Variants in FAM110B observed in about 807,000 individuals in gnomAD.
The protein encoded by FAM110B is family with sequence similarity 110 member B, also known as protein FAM110B.
FAM110B carries 6 observed loss-of-function variants against 20.4 expected under a neutral mutation model. That is an observed-to-expected ratio of 0.29 (90% CI 0.16 to 0.58). FAM110B has a LOEUF of 0.58. Among genes scored for constraint, FAM110B ranks in the 20% least tolerant of loss-of-function variants. The probability of loss-of-function intolerance (pLI) is 0.90; values close to 1 mark genes in which losing one functional copy is unlikely to be tolerated. For synonymous variants in FAM110B, 226 were observed against 214.1 expected (o/e 1.06, Z -0.49); for missense variants, 434 against 498.2 (o/e 0.87, Z 1.23).
At chr8:58,123,305 TG>T (rs1053405997) in intron 3 of FAM110B, among the ~76,000 whole-genome samples, 7 of 152,192 alleles carry the variant, frequency 4.6e-5, no homozygotes, top group Non-Finnish European at 7.3e-5. Context: ...TCTCAGTTCC[TG>T]CTCTTTGGGG....
At chr8:58,009,658 T>C (rs1014456880) in intron 1 of FAM110B, among the ~76,000 whole-genome samples, 16 of 152,356 alleles carry the variant, frequency 1.1e-4, no homozygotes, top group African/African-American at 3.4e-4. Context: ...ACATATATGG[T>C]TCACATTTGT....
intron 1 of FAM110B, among the ~76,000 whole-genome samples, chr8:58,021,350 TA>T (rs1236547670): frequency 6.6e-6 from 1 of 152,062 alleles, no homozygotes; most frequent in Non-Finnish European, 1.5e-5. Flanking sequence ...TGAAAGGCAG[TA>T]AAAAAATTAA....
rs71557704 is a variant in FAM110B, at chr8:58,105,556, A to ATTTTTTTTTTTTTTT, written c.-325+29949_-325+29963dup. On this transcript the variant is annotated intron_variant, in intron 3 of 3. Transcript: ENST00000519262. ...TGAAAATGAATGAATGAATGAATGA[A>ATTTTTTTTTTTTTTT]TTTTTTTTTTTTTTTTTTTTTTTTT... 9.5e-5 allele frequency among the ~76,000 whole-genome samples: 9 copies of ATTTTTTTTTTTTTTT among 94,600 alleles called. 1 individual carries two copies. Among genetic ancestry groups the ATTTTTTTTTTTTTTT allele is most frequent in the African/African-American group, 3.0e-4 (6 of 19,916 alleles). The allele number at this position is 94,600 out of a possible 152,430, so 62.1% of individuals were successfully genotyped here.
intron 1 of FAM110B, among the ~76,000 whole-genome samples, chr8:58,023,446 A>G (rs764336789): frequency 2.0e-5 from 3 of 152,216 alleles, no homozygotes; most frequent in Non-Finnish European, 4.4e-5. Context: ...GACTTTGGAA[A>G]AACTGGGCTA....
chr8:58,076,052 G>T (rs1806029501), intron 3 of FAM110B, among the ~76,000 whole-genome samples: 1 of 152,070 alleles, frequency 6.6e-6, no homozygotes, highest in Non-Finnish European at 1.5e-5. Flanking sequence ...TGAACTCCTG[G>T]GGTCAAGTGA....
intron 3 of FAM110B, among the ~76,000 whole-genome samples, chr8:58,121,045 G>C (rs1807347057): frequency 6.6e-6 from 1 of 152,190 alleles, no homozygotes; most frequent in African/African-American, 2.4e-5. Context: ...ATGTCCTCTG[G>C]AGCTTGCTCA....
chr8:58,107,294 T>G (rs931889206), intron 3 of FAM110B, among the ~76,000 whole-genome samples: 15 of 152,254 alleles, frequency 9.9e-5, no homozygotes, highest in African/African-American at 3.4e-4. Context: ...GACTCACATT[T>G]CTGTGGTACT....
chr8:58,068,736 G>T (rs1563357632), intron 2 of FAM110B, among the ~76,000 whole-genome samples: 1 of 152,098 alleles, frequency 6.6e-6, no homozygotes, highest in Non-Finnish European at 1.5e-5. Context: ...GATTAGATCA[G>T]CTCAGGACTG....
chr8:58,115,379 A>T (rs1024271255), intron 3 of FAM110B, among the ~76,000 whole-genome samples: 1 of 151,802 alleles, frequency 6.6e-6, no homozygotes, highest in East Asian at 1.9e-4. Context: ...AGCCTGAATC[A>T]TTTTTTTTAT....
intron 3 of FAM110B, among the ~76,000 whole-genome samples, chr8:58,086,658 G>C (rs1234410495): frequency 6.6e-6 from 1 of 152,168 alleles, no homozygotes; most frequent in Non-Finnish European, 1.5e-5. Context: ...TGCTACTTCT[G>C]TTGTAAATTT....
intron 1 of FAM110B, among the ~76,000 whole-genome samples, chr8:58,011,938 G>A (rs574312264): frequency 1.8e-4 from 27 of 152,274 alleles, no homozygotes; most frequent in African/African-American, 4.8e-4. Context: ...TAGCCCTCAC[G>A]TCTGTCACAG....
At chr8:58,021,303 C>G (rs1054405517) in intron 1 of FAM110B, among the ~76,000 whole-genome samples, 2 of 152,184 alleles carry the variant, frequency 1.3e-5, no homozygotes, top group South Asian at 4.2e-4. Flanking sequence ...ATTGGGTCAC[C>G]ACTGGTTACT....
Position 58,003,491 on chromosome 8 carries a change from A to G in FAM110B, c.-512+8685A>G, listed in dbSNP as rs922365683. Among the ~76,000 whole-genome samples the G allele has an allele frequency of 2.6e-5, 4 of 152,242 alleles. No individual in the cohort carries two copies. The East Asian group carries it at 5.8e-4, about 22-fold the overall frequency. Reference sequence around the variant, plus strand: ...TCCTGGATACATCAGAGCAATCAGTATCTATGGCAGCTATAGCCTTACAAA... The same window carrying G: ...TCCTGGATACATCAGAGCAATCAGTGTCTATGGCAGCTATAGCCTTACAAA... On this transcript the variant is annotated intron_variant, in intron 1 of 3. Transcript: ENST00000519262.
intron 3 of FAM110B, among the ~76,000 whole-genome samples, chr8:58,091,822 A>G (rs1055207263): frequency 1.2e-4 from 18 of 152,304 alleles, no homozygotes; most frequent in African/African-American, 3.9e-4. Context: ...TGATCCCTGC[A>G]TGGCAGAGCA....
At chr8:58,001,620 A>G (rs1244734948) in intron 1 of FAM110B, among the ~76,000 whole-genome samples, 2 of 152,092 alleles carry the variant, frequency 1.3e-5, no homozygotes, top group Admixed American at 1.3e-4. Flanking sequence ...TTTCTGAGTA[A>G]TTTCAGTGTG....
At chr8:58,104,181 G>A (rs1806853018) in intron 3 of FAM110B, among the ~76,000 whole-genome samples, 1 of 152,186 alleles carries the variant, frequency 6.6e-6, no homozygotes, top group South Asian at 2.1e-4. Context: ...TCCTGGCAGT[G>A]TAATATGGAA....
intron 1 of FAM110B, among the ~76,000 whole-genome samples, chr8:57,996,303 A>G (rs1804184787): frequency 6.6e-6 from 1 of 152,210 alleles, no homozygotes; most frequent in Non-Finnish European, 1.5e-5. Flanking sequence ...TGCCTTGCAT[A>G]TAGTTCTAGG....
intron 3 of FAM110B, chr8:58,091,487 C>T (rs1035144789): frequency 6.6e-6 from 1 of 152,144 alleles, no homozygotes; most frequent in Non-Finnish European, 1.5e-5. Flanking sequence ...GGTTTTGGCT[C>T]AGCCCTCCTG....
chr8:58,043,391 T>A (rs1041052261), intron 2 of FAM110B: 2 of 152,206 alleles, frequency 1.3e-5, no homozygotes, highest in African/African-American at 4.8e-5. Context: ...CAGATTGGTC[T>A]GCTGAAAACT....
Sources: gnomAD v4.1 joint callset for allele counts (sites outside exome capture counted in the v4.1 genomes callset) on GRCh38, gnomAD v4.1.1 for gene constraint, MANE v1.5 for transcripts, NCBI Gene and HGNC (gene_info 2026-07-23, HGNC 2026-07-21) for gene names.